STX8: variants seen among roughly 807,000 people sequenced by gnomAD.
The protein encoded by STX8 is syntaxin 8.
STX8 carries 23 observed loss-of-function variants against 37.5 expected under a neutral mutation model. That is an observed-to-expected ratio of 0.61 (90% confidence interval 0.44 to 0.87). STX8 has a LOEUF of 0.87. Among genes scored for constraint, STX8 ranks in the 40% least tolerant of loss-of-function variants. The pLI is 0.00. For synonymous variants in STX8, 115 were observed against 99.1 expected, an observed-to-expected ratio of 1.16 and a Z score of -0.95; for missense variants, 313 against 284.7, an observed-to-expected ratio of 1.10 and a Z score of -0.71.
intron 4 of STX8, among the ~76,000 whole-genome samples, chr17:9,537,858 C>G (rs1567602113): frequency 6.6e-6 from 1 of 152,120 alleles, no homozygotes; most frequent in Non-Finnish European, 1.5e-5. Flanking sequence ...TCTCAAAATA[C>G]AATCTATTTT....
intron 6 of STX8, among the ~76,000 whole-genome samples, chr17:9,392,085 A>T (rs1165807441): frequency 1.3e-5 from 2 of 152,230 alleles, no homozygotes; most frequent in Non-Finnish European, 2.9e-5. Context: ...TGGTAGTTGG[A>T]ACCTGTGGCC....
intron 7 of STX8, among the ~76,000 whole-genome samples, chr17:9,351,651 A>G (rs866222832): frequency 1.3e-5 from 2 of 152,202 alleles, no homozygotes; most frequent in African/African-American, 2.4e-5. Context: ...GAATCCGATC[A>G]AAATCAGAAA....
At chr17:9,508,551 A>G (rs1213111649) in intron 4 of STX8, among the ~76,000 whole-genome samples, 1 of 152,066 alleles carries the variant, frequency 6.6e-6, no homozygotes, top group Non-Finnish European at 1.5e-5. Flanking sequence ...TTGGTATCGA[A>G]CTCCTAATCT....
At chr17:9,552,223 C>T (rs1478329066) in intron 3 of STX8, among the ~76,000 whole-genome samples, 1 of 151,962 alleles carries the variant, frequency 6.6e-6, no homozygotes, top group Non-Finnish European at 1.5e-5. Flanking sequence ...ACACCTGGAC[C>T]CCTAGCTACT....
At chr17:9,394,888 C>T (rs1008660307) in intron 6 of STX8, among the ~76,000 whole-genome samples, 3 of 150,622 alleles carry the variant, frequency 2.0e-5, no homozygotes, top group Non-Finnish European at 4.4e-5. Context: ...CTGGCCTGGC[C>T]GACATGATGA....
At chr17:9,484,945 T>C (rs12103930) in intron 6 of STX8, among the ~76,000 whole-genome samples, 33,983 of 152,058 alleles carry the variant, frequency 0.22, 4,002 homozygotes, top group Middle Eastern at 0.36. Context: ...GACTAGATCA[T>C]TGAGAACTAG....
chr17:9,299,678 C>A (rs1908697359), intron 7 of STX8, among the ~76,000 whole-genome samples: 4 of 152,148 alleles, frequency 2.6e-5, no homozygotes, highest in South Asian at 4.2e-4. Flanking sequence ...CTCCTGCCCT[C>A]GTGATCTACT....
At position 9,341,733 on chromosome 17, in the gene STX8, G is replaced by A. The variant is rs191557740; in HGVS notation, c.643+36819C>T. 3.9e-5 allele frequency among the ~76,000 whole-genome samples: 6 copies of A among 152,314 alleles called. No individual in the cohort carries two copies. In the East Asian group the frequency reaches 5.8e-4, roughly 15 times the overall value. On this transcript the variant is annotated intron_variant, in intron 7 of 7. Transcript: ENST00000306357. ...ATTACAGGCATGAGCCACCGCGCCCGGCCAAGACATGACTCAAGTGCAGCT... is the reference window on the plus strand; with the variant it reads ...ATTACAGGCATGAGCCACCGCGCCCAGCCAAGACATGACTCAAGTGCAGCT...
chr17:9,298,232 G>A (rs1459537249), intron 7 of STX8, among the ~76,000 whole-genome samples: 1 of 152,186 alleles, frequency 6.6e-6, no homozygotes, highest in South Asian at 2.1e-4. Context: ...AAGATGGACA[G>A]TAAAAGTGTC....
chr17:9,314,902 G>T (rs1909327323), intron 7 of STX8, among the ~76,000 whole-genome samples: 1 of 149,640 alleles, frequency 6.7e-6, no homozygotes, highest in Non-Finnish European at 1.5e-5. Flanking sequence ...AAGAGATCGA[G>T]ACCATCCTGG....
chr17:9,458,916 A>G (rs935254496), intron 6 of STX8, among the ~76,000 whole-genome samples: 1 of 146,028 alleles, frequency 6.8e-6, no homozygotes, highest in African/African-American at 2.6e-5. Flanking sequence ...TGCAAGCTCC[A>G]CCTCCCGGGT....
At chr17:9,299,091 G>T (rs1195523541) in intron 7 of STX8, among the ~76,000 whole-genome samples, 2 of 152,066 alleles carry the variant, frequency 1.3e-5, no homozygotes, top group Non-Finnish European at 1.5e-5. Context: ...CTTTGGCCTA[G>T]GAGTTTGCAG....
intron 6 of STX8, among the ~76,000 whole-genome samples, chr17:9,427,081 T>A (rs1913659938): frequency 6.6e-6 from 1 of 152,132 alleles, no homozygotes; most frequent in South Asian, 2.1e-4. Flanking sequence ...AGTAAGAGAG[T>A]TGCTATCTAG....
intron 4 of STX8, among the ~76,000 whole-genome samples, chr17:9,537,872 G>T (rs1476262725): frequency 2.0e-5 from 3 of 151,988 alleles, no homozygotes; most frequent in Non-Finnish European, 4.4e-5. Flanking sequence ...CTATTTTTTT[G>T]AACTTATTTT....
chr17:9,356,782 G>A (rs1477776384), intron 7 of STX8, among the ~76,000 whole-genome samples: 1 of 152,030 alleles, frequency 6.6e-6, no homozygotes, highest in Non-Finnish European at 1.5e-5. Context: ...TGCAGCCCAG[G>A]GGCCAGGTCC....
chr17:9,304,346 C>T (rs1236453246), intron 7 of STX8, among the ~76,000 whole-genome samples: 1 of 151,418 alleles, frequency 6.6e-6, no homozygotes, highest in African/African-American at 2.4e-5. Context: ...CTCGTCTCTA[C>T]AAAAAAATGA....
At chr17:9,354,053 T>C (rs1910797855) in intron 7 of STX8, among the ~76,000 whole-genome samples, 1 of 152,296 alleles carries the variant, frequency 6.6e-6, no homozygotes, top group South Asian at 2.1e-4. Flanking sequence ...ACTTTTAAAC[T>C]ATATGCCCAT....
chr17:9,482,765 T>C (rs1033229234), intron 6 of STX8, among the ~76,000 whole-genome samples: 2 of 151,854 alleles, frequency 1.3e-5, no homozygotes, highest in Non-Finnish European at 2.9e-5. Context: ...AATACAAAAA[T>C]TAGCTGGGTG....
intron 6 of STX8, among the ~76,000 whole-genome samples, chr17:9,432,612 C>T (rs1896918820): frequency 1.3e-5 from 2 of 152,190 alleles, no homozygotes; most frequent in African/African-American, 4.8e-5. Context: ...GTTTTGGGAA[C>T]TTTCACCTTG....
Sources: allele counts gnomAD v4.1 joint callset (sites outside exome capture counted in the v4.1 genomes callset), GRCh38; gene constraint gnomAD v4.1.1; transcripts MANE v1.5; gene names NCBI Gene and HGNC (gene_info 2026-07-23, HGNC 2026-07-21).